The following TBC1D31 variants were observed in gnomAD, a reference collection of about 807,000 sequenced individuals.
TBC1D31 encodes the protein TBC1 domain family member 31.
A neutral mutation model predicts 132.9 loss-of-function variants in TBC1D31; 99 were observed. That is an observed-to-expected ratio of 0.74 (90% CI 0.63 to 0.88). The LOEUF (loss-of-function observed/expected upper bound fraction) is 0.88. Ranked by LOEUF, TBC1D31 falls within the 40% of genes least tolerant of loss-of-function variation. The pLI is 0.00. For synonymous variants in TBC1D31, 385 were observed against 419.4 expected, an observed-to-expected ratio of 0.92 and a Z score of 1.00; for missense variants, 1,134 against 1,256.6, an observed-to-expected ratio of 0.90 and a Z score of 1.48.
At chr8:123,123,234 G>C (rs1819667520) in intron 11 of TBC1D31, 1 of 152,364 alleles carries the variant, frequency 6.6e-6, no homozygotes, top group Non-Finnish European at 1.5e-5. Context: ...TCTAAGAAGG[G>C]CTTCAGAGAA....
the TBC1D31 span, among the ~76,000 whole-genome samples, chr8:123,160,613 G>A: frequency 1.3e-5 from 2 of 152,126 alleles, no homozygotes; most frequent in African/African-American, 2.4e-5. Flanking sequence ...GCCAGGGGAC[G>A]CTGTGCCCAG....
At chr8:123,079,172 G>A (rs1444608026) in intron 2 of TBC1D31, among the ~76,000 whole-genome samples, 1 of 152,162 alleles carries the variant, frequency 6.6e-6, no homozygotes, top group African/African-American at 2.4e-5. Flanking sequence ...AATCTGAGGG[G>A]GATGAAAGGG....
intron 13 of TBC1D31, among the ~76,000 whole-genome samples, chr8:123,127,541 G>A (rs905026114): frequency 2.6e-5 from 4 of 152,064 alleles, no homozygotes; most frequent in African/African-American, 9.7e-5. Context: ...CCAAAGTGCT[G>A]GGATTACAGG....
intron 10 of TBC1D31, among the ~76,000 whole-genome samples, chr8:123,117,587 T>A (rs1314475100): frequency 6.6e-6 from 1 of 150,962 alleles, no homozygotes; most frequent in East Asian, 2.0e-4. Context: ...ACCCCGTCTC[T>A]ACTAAAAATA....
chr8:123,141,686 A>T (rs1295832553), intron 18 of TBC1D31, among the ~76,000 whole-genome samples: 1 of 150,208 alleles, frequency 6.7e-6, no homozygotes, highest in Non-Finnish European at 1.5e-5. Context: ...AAGATATTCC[A>T]TTTTTTTTTA....
At chr8:123,163,495 G>A in the TBC1D31 span, among the ~76,000 whole-genome samples, 5 of 150,896 alleles carry the variant, frequency 3.3e-5, no homozygotes, top group South Asian at 1.0e-3. Context: ...CTCCCAAGTA[G>A]CTGGGACCAC....
At chr8:123,107,632 G>A (rs946618363) in intron 8 of TBC1D31, among the ~76,000 whole-genome samples, 1 of 152,168 alleles carries the variant, frequency 6.6e-6, no homozygotes, top group Non-Finnish European at 1.5e-5. Flanking sequence ...CCTTTTCTGG[G>A]AAAACTGGTG....
At chr8:123,109,217 GT>G (rs1355245163) in intron 8 of TBC1D31, 99 bp from the exon 9 acceptor site, 14 of 796,844 alleles carry the variant, frequency 1.8e-5, no homozygotes, top group Non-Finnish European at 2.8e-5. Context: ...ACTATGTGTT[GT>G]TTTCTAAAGT....
In TBC1D31 at chr8:123,150,086, T is replaced by A; in HGVS notation, c.3025T>A (p.Ser1009Thr). ...EQDSSCLPRTSQLNDSSEMDP... is the reference protein window; with the variant it reads ...EQDSSCLPRTTQLNDSSEMDP... ...GGACTCAAGCTGTTTGCCTAGAACC[T>A]CACAATTAAATGACTCTTCTGAAAT... The change falls in exon 21 of 22, where the codon TCA (serine) becomes ACA (threonine). Residue 1009 changes from serine to threonine, a missense_variant. Transcript: ENST00000287380. 6.2e-7 allele frequency: 1 copy of A among 1,614,092 alleles called. No homozygotes were observed. Among genetic ancestry groups the A allele is most frequent in the Non-Finnish European group, 8.5e-7 (1 of 1,179,962 alleles).
At chr8:123,098,531 A>T (rs533201603) in intron 6 of TBC1D31, among the ~76,000 whole-genome samples, 1 of 152,250 alleles carries the variant, frequency 6.6e-6, no homozygotes, top group African/African-American at 2.4e-5. Flanking sequence ...CAAGTGATCC[A>T]CCTGCCTCAG....
In TBC1D31 at chr8:123,093,599, T is replaced by C. The variant is rs1192368277; in HGVS notation, c.528T>C (p.Phe176=). 5 of 1,599,526 alleles carry C rather than the reference T, an allele frequency of 3.1e-6. No individual in the cohort carries two copies. In the East Asian group the frequency reaches 1.1e-4, roughly 36 times the overall value. The change falls in exon 5 of 22, where the codon TTT becomes TTC. Residue 176 remains phenylalanine, a synonymous_variant. Transcript: ENST00000287380. ...RQSVGIQKVF[F]LPLSNTILSC... is the part of the protein sequence containing the mutation. Reference sequence around the variant, plus strand: ...TCTCTATTCCTCCTTAGGTTTTCTTTCTACCATTAAGTAATACCATCCTCA... The same window carrying C: ...TCTCTATTCCTCCTTAGGTTTTCTTCCTACCATTAAGTAATACCATCCTCA...
Position 123,089,086 on chromosome 8 carries a change from T to C in TBC1D31, c.520-4505T>C, listed in dbSNP as rs6470137. ...ATCCCAAATGCTCCAAAATTTGAAA[T>C]TTTTTGAGTGCTAACATGATACTCA... On this transcript the variant is annotated intron_variant, in intron 4 of 21. Transcript: ENST00000287380. 3.8e-3 allele frequency among the ~76,000 whole-genome samples: 571 copies of C among 152,238 alleles called. 2 individuals carry two copies. The highest frequency in any genetic ancestry group is 0.013 in the African/African-American group (553 of 41,558).
At position 123,150,078 on chromosome 8, in the gene TBC1D31, C is replaced by T. The variant is rs865861054; in HGVS notation, c.3017C>T (p.Pro1006Leu). The T allele has an allele frequency of 1.2e-6, 2 of 1,613,964 alleles. No individual in the cohort carries two copies. The highest frequency in any genetic ancestry group is 1.7e-6 in the Non-Finnish European group (2 of 1,179,976). ...FQNEQDSSCL[P>L]RTSQLNDSSE... ...AATGAACAGGACTCAAGCTGTTTGC[C>T]TAGAACCTCACAATTAAATGACTCT... is the stretch of plus-strand genomic sequence containing the variant. The change falls in exon 21 of 22, where the codon CCT becomes CTT. Residue 1006 changes from proline to leucine, a missense_variant. Transcript: ENST00000287380.
chr8:123,142,495 T>G, intron 19 of TBC1D31, 39 bp downstream of exon 19: 1 of 1,375,016 alleles, frequency 7.3e-7, no homozygotes, highest in African/African-American at 1.6e-5. Flanking sequence ...TATCAAGCAT[T>G]GATTTTTTTT....
rs537007221 is a variant in TBC1D31 at position 123,105,004 on chromosome 8, T to C, written c.1033-284T>C. Among the ~76,000 whole-genome samples the C allele has an allele frequency of 3.9e-5, 6 of 152,306 alleles. No individual in the cohort carries two copies. In the South Asian group the frequency reaches 1.2e-3, roughly 32 times the overall value. On this transcript the variant is annotated intron_variant, in intron 7 of 21. Coordinates refer to ENST00000287380, the MANE Select transcript of TBC1D31 (RefSeq NM_145647.4). ...CTTTACCATGTATGTGTAAACATGA[T>C]TTGGTATTAAATGATTTAAGGCCAG...
rs1818577406 is a variant in TBC1D31, at chr8:123,112,824, A to C, written c.1436+3204A>C. Among the ~76,000 whole-genome samples, 3 of 152,326 alleles carry C rather than the reference A, an allele frequency of 2.0e-5. No individual in the cohort carries two copies. The South Asian group carries it at 6.2e-4, about 32-fold the overall frequency. On this transcript the variant is annotated intron_variant, in intron 10 of 21. Transcript: ENST00000287380. Reference sequence around the variant, plus strand: ...ATAACTTTGTTAAGAGATGACTTAGAGATGGGAATTTGCTTACTTTTTCTA... The same window carrying C: ...ATAACTTTGTTAAGAGATGACTTAGCGATGGGAATTTGCTTACTTTTTCTA...
rs142841212 is a variant in TBC1D31 at position 123,119,277 on chromosome 8, G to T, written c.1437-778G>T. 2.0e-3 allele frequency among the ~76,000 whole-genome samples: 311 copies of T among 152,310 alleles called. 2 individuals carry two copies. Among genetic ancestry groups the T allele is most frequent in the African/African-American group, 7.3e-3 (302 of 41,562 alleles). On this transcript the variant is annotated intron_variant, in intron 10 of 21. Transcript: ENST00000287380. ...TGCAAATGCACGTATTCTTGACTCA[G>T]CAATTCCACTTTAGGAATTTCCAAG... is the stretch of plus-strand genomic sequence containing the variant.
rs2130797579 is a variant in TBC1D31, at chr8:123,128,451, G to A, written c.2055G>A (p.Val685=). ...PVFNQYPKFI[V]DYQTQERERI... is the part of the protein sequence containing the mutation. ...TTAATCAATATCCAAAGTTTATTGT[G>A]GACTATCAAACACAGGAACGAGAAA... Residue 685 remains valine, a synonymous_variant, in exon 14 of 22, where the codon GTG becomes GTA. Coordinates refer to ENST00000287380, the MANE Select transcript of TBC1D31 (RefSeq NM_145647.4). 6.2e-7 allele frequency: 1 copy of A among 1,613,544 alleles called. No homozygotes were observed. The highest frequency in any genetic ancestry group is 2.2e-5 in the East Asian group (1 of 44,854).
At chr8:123,110,314 G>T (rs1049504422) in intron 10 of TBC1D31, among the ~76,000 whole-genome samples, 1 of 152,122 alleles carries the variant, frequency 6.6e-6, no homozygotes, top group African/African-American at 2.4e-5. Context: ...ATATGCTAGA[G>T]TCCATTCCTA....
Sources: allele counts gnomAD v4.1 joint callset (sites outside exome capture counted in the v4.1 genomes callset), GRCh38; gene constraint gnomAD v4.1.1; transcripts MANE v1.5; gene names NCBI Gene and HGNC (gene_info 2026-07-23, HGNC 2026-07-21).